FAM8A1: variants seen among roughly 807,000 people sequenced by gnomAD.
FAM8A1 encodes family with sequence similarity 8 member A1.
FAM8A1 carries 18 observed loss-of-function variants against 38.3 expected under a neutral mutation model. The observed-to-expected ratio is 0.47, with a 90% CI of 0.33 to 0.70. FAM8A1 has a LOEUF of 0.70. Ranked by LOEUF, FAM8A1 falls within the 30% of genes least tolerant of loss-of-function variation. The pLI, the probability that FAM8A1 is intolerant of heterozygous loss-of-function variation, is 0.03. For missense variants in FAM8A1, 559 were observed against 559.6 expected (o/e 1.00, Z 0.01); for synonymous variants, 246 against 234.4 (o/e 1.05, Z -0.45).
chr6:17,608,343 C>A lies in FAM8A1; in HGVS notation c.*4C>A. On this transcript the variant is annotated 3_prime_UTR_variant, in exon 5 of 5. Transcript: ENST00000259963. ...AAAAAGAAATGGGGTCAGATGATGC[C>A]CCCCAAAACCCTGATTTCCACACAC... 6.2e-7 allele frequency: 1 copy of A among 1,608,366 alleles called. No individual in the cohort carries two copies. The highest frequency in any genetic ancestry group is 8.5e-7 in the Non-Finnish European group (1 of 1,178,032).
chr6:17,608,593 C>T lies in FAM8A1; in HGVS notation c.*254C>T, dbSNP rs966486692. ...TTTTATAAACAATGGACAATATATACTTTCTTAAGATCTAAGGTACTTTCT... is the reference window on the plus strand; with the variant it reads ...TTTTATAAACAATGGACAATATATATTTTCTTAAGATCTAAGGTACTTTCT... On this transcript the variant is annotated 3_prime_UTR_variant, in exon 5 of 5. Transcript: ENST00000259963. The T allele has an allele frequency of 4.0e-6, 1 of 248,852 alleles. No homozygotes were observed. Among genetic ancestry groups the T allele is most frequent in the African/African-American group, 2.7e-5 (1 of 37,088 alleles). The allele number at this position is 248,852 out of a possible 1,614,324, so 15.4% of individuals were successfully genotyped here.
chr6:17,608,331 G>A lies in FAM8A1; in HGVS notation c.1234G>A (p.Val412Ile), dbSNP rs1308793785. ...AGTIVVKRNG[V>I]R is the part of the protein sequence containing the mutation. The stretch of plus-strand genomic sequence containing the variant: ...AACCATTGTGGTAAAAAGAAATGGG[G>A]TCAGATGATGCCCCCCAAAACCCTG... The change falls in exon 5 of 5, where the codon GTC becomes ATC. Residue 412 changes from valine to isoleucine, a missense_variant. This residue lies in a region of FAM8A1 where 166 missense variants were observed against 220.8 expected (regional missense o/e 0.75). Coordinates refer to ENST00000259963, the MANE Select transcript of FAM8A1 (RefSeq NM_016255.3). 1.2e-6 allele frequency: 2 copies of A among 1,610,794 alleles called. No individual in the cohort carries two copies. The highest frequency in any genetic ancestry group is 1.7e-6 in the Non-Finnish European group (2 of 1,179,334).
At chr6:17,606,787 G>A (rs763825549) in intron 4 of FAM8A1, among the ~76,000 whole-genome samples, 4 of 152,132 alleles carry the variant, frequency 2.6e-5, no homozygotes, top group Non-Finnish European at 5.9e-5. Context: ...TAGCGCTGGG[G>A]GAAGGTACAA....
intron 3 of FAM8A1, 134 bp downstream of exon 3, chr6:17,605,163 C>T: frequency 1.5e-6 from 1 of 654,462 alleles, no homozygotes. Context: ...TCACTGCAAC[C>T]TCTGCCTCCT....
In FAM8A1 at chr6:17,610,404, A is replaced by G. The variant is rs551178612; in HGVS notation, c.*2065A>G. 1.2e-4 allele frequency: 18 copies of G among 152,276 alleles called. No homozygotes were observed. The South Asian group carries it at 3.7e-3, about 32-fold the overall frequency. 9.4% of individuals were successfully genotyped at this position (152,276 alleles called of 1,614,324 possible). On this transcript the variant is annotated 3_prime_UTR_variant, in exon 5 of 5. Coordinates refer to ENST00000259963, the MANE Select transcript of FAM8A1 (RefSeq NM_016255.3). ...ATCTATGTAGGTTCAGTCAGATCCA[A>G]CCATGGATTCGAGGTATTATACTGT... is the stretch of plus-strand genomic sequence containing the variant.
chr6:17,611,619 T>C lies in FAM8A1; in HGVS notation c.*3280T>C, dbSNP rs191036972. ...TAAGGCTTAACCTGTAAACAGTATC[T>C]GATGGCCCACCTATAAATAAAATTC... is the stretch of plus-strand genomic sequence containing the variant. On this transcript the variant is annotated 3_prime_UTR_variant, in exon 5 of 5. Transcript: ENST00000259963. 3 of 152,646 alleles carry C rather than the reference T, an allele frequency of 2.0e-5. No homozygotes were observed. In the East Asian group the frequency reaches 5.8e-4, roughly 29 times the overall value. 9.5% of individuals were successfully genotyped at this position (152,646 alleles called of 1,614,324 possible).
chr6:17,607,563 A>T (rs1274021262), intron 4 of FAM8A1, among the ~76,000 whole-genome samples: 1 of 150,028 alleles, frequency 6.7e-6, no homozygotes, highest in Non-Finnish European at 1.5e-5. Context: ...CCCTTTTTGC[A>T]GATGTGGAAT....
At chr6:17,606,100 T>C in intron 4 of FAM8A1, 87 bp downstream of exon 4, 1 of 959,338 alleles carries the variant, frequency 1.0e-6, no homozygotes, top group South Asian at 3.6e-5. Flanking sequence ...TCATAGTAGA[T>C]AGGCTTATAT....
At position 17,604,921 on chromosome 6, in the gene FAM8A1, T is replaced by G. The variant is rs778161583; in HGVS notation, c.849T>G (p.Phe283Leu). Reference protein sequence around the residue: ...HLSGIKDISKFAMHYIIEEID... With the variant: ...HLSGIKDISKLAMHYIIEEID... ...TTTTGTGTAGGGATATCTCTAAGTTTGCTATGCATTATATAATAGAAGAAA... is the reference window on the plus strand; with the variant it reads ...TTTTGTGTAGGGATATCTCTAAGTTGGCTATGCATTATATAATAGAAGAAA... The change falls in exon 3 of 5, where the codon TTT becomes TTG. Residue 283 changes from phenylalanine (F) to leucine (L), a missense_variant. Physicochemically the swap from Phe to Leu is conservative, Grantham distance 22 (BLOSUM62 0). This residue lies in a region of FAM8A1 where 166 missense variants were observed against 220.8 expected (regional missense o/e 0.75). Transcript: ENST00000259963. The G allele has an allele frequency of 3.8e-6, 6 of 1,591,324 alleles. No individual in the cohort carries two copies. In the East Asian group the frequency reaches 9.0e-5, roughly 24 times the overall value.
rs1213920479 is a variant in FAM8A1 at position 17,608,922 on chromosome 6, A to T, written c.*583A>T. 1.3e-5 allele frequency: 2 copies of T among 152,170 alleles called. No individual in the cohort carries two copies. Among genetic ancestry groups the T allele is most frequent in the African/African-American group, 4.8e-5 (2 of 41,446 alleles). 9.4% of individuals were successfully genotyped at this position (152,170 alleles called of 1,614,324 possible). On this transcript the variant is annotated 3_prime_UTR_variant, in exon 5 of 5. Coordinates refer to ENST00000259963, the MANE Select transcript of FAM8A1 (RefSeq NM_016255.3). ...CCTTACCTGAAGTTTTCAAATCCATACTGCAGTTCCCTCTCGTAATGATGT... is the reference window on the plus strand; with the variant it reads ...CCTTACCTGAAGTTTTCAAATCCATTCTGCAGTTCCCTCTCGTAATGATGT...
At chr6:17,602,973 C>T (rs1386741951) in intron 2 of FAM8A1, among the ~76,000 whole-genome samples, 1 of 152,230 alleles carries the variant, frequency 6.6e-6, no homozygotes, top group Non-Finnish European at 1.5e-5. Flanking sequence ...TCCAAACCTG[C>T]TTTGATTTTA....
Position 17,602,562 on chromosome 6 carries a change from CTAACT to C in FAM8A1, c.713-26_713-22del. On this transcript the variant is annotated intron_variant, in intron 1 of 4. Transcript: ENST00000259963. ...GCTTATGTGAAATGATTCGTTTTTC[CTAACT>C]TTTTTTTTTTTTTAATTTACAGGCA... 4 of 1,434,250 alleles carry C rather than the reference CTAACT, an allele frequency of 2.8e-6. No individual in the cohort carries two copies. The East Asian group carries it at 8.3e-5, about 30-fold the overall frequency. 88.8% of individuals were successfully genotyped at this position (1,434,250 alleles called of 1,614,324 possible).
chr6:17,601,351 C>G (rs1763983713), intron 1 of FAM8A1, among the ~76,000 whole-genome samples: 1 of 152,218 alleles, frequency 6.6e-6, no homozygotes. Flanking sequence ...GACTCCCTTA[C>G]TCATGGGACT....
In FAM8A1 at chr6:17,601,074, G is replaced by C; in HGVS notation, c.665G>C (p.Gly222Ala). 2 of 1,599,426 alleles carry C rather than the reference G, an allele frequency of 1.3e-6. No individual in the cohort carries two copies. The highest frequency in any genetic ancestry group is 8.5e-7 in the Non-Finnish European group (1 of 1,175,536). Residue 222 changes from glycine (G) to alanine (A), a missense_variant, in exon 1 of 5, where the codon GGA (glycine) becomes GCA (alanine). By Grantham distance (60) the Gly-to-Ala change is moderately conservative (BLOSUM62 0). Transcript: ENST00000259963. The part of the protein sequence containing the change: ...SVRATPVTRV[G>A]SAAPSRSPSE... ...CGGGCCACTCCAGTGACGAGGGTAG[G>C]ATCCGCAGCCCCTTCGCGAAGCCCG... is the stretch of plus-strand genomic sequence containing the variant.
intron 4 of FAM8A1, among the ~76,000 whole-genome samples, chr6:17,606,583 G>A (rs958632722): frequency 6.6e-6 from 1 of 152,192 alleles, no homozygotes; most frequent in African/African-American, 2.4e-5. Context: ...TCCACAATCA[G>A]CTTTATTATT....
intron 2 of FAM8A1, among the ~76,000 whole-genome samples, chr6:17,603,168 G>A (rs1364111386): frequency 1.3e-5 from 2 of 152,212 alleles, no homozygotes; most frequent in Non-Finnish European, 2.9e-5. Flanking sequence ...GAACTTCAAA[G>A]TGAGACGTTT....
At chr6:17,606,377 T>G (rs547892138) in intron 4 of FAM8A1, among the ~76,000 whole-genome samples, 111 of 152,212 alleles carry the variant, frequency 7.3e-4, no homozygotes, top group African/African-American at 2.6e-3. Context: ...ATTTTTTGTA[T>G]TTTTAGTAGG....
intron 1 of FAM8A1, 115 bp downstream of exon 1, chr6:17,601,236 C>T: frequency 5.2e-6 from 7 of 1,351,508 alleles, no homozygotes; most frequent in Non-Finnish European, 6.9e-6. Flanking sequence ...ATTGACTATC[C>T]TGCCCGTTCA....
At chr6:17,607,258 C>CAAAAAAA (rs879878979) in intron 4 of FAM8A1, among the ~76,000 whole-genome samples, 1 of 35,248 alleles carries the variant, frequency 2.8e-5, no homozygotes. Flanking sequence ...GACTCCATCT[C>CAAAAAAA]AAAAAAAAAA....
Sources: allele counts gnomAD v4.1 joint callset (sites outside exome capture counted in the v4.1 genomes callset), GRCh38; gene constraint gnomAD v4.1.1; regional missense constraint gnomAD v4.1.1; transcripts MANE v1.5; gene names NCBI Gene and HGNC (gene_info 2026-07-23, HGNC 2026-07-21).